Variants in UPRT observed in about 807,000 individuals in gnomAD.
The protein encoded by UPRT is RP11-311P8.3.
In UPRT, 5 loss-of-function variants were observed where a neutral mutation model predicts 22.6. The ratio of observed to expected loss-of-function variants is 0.22; its 90% CI spans 0.12 to 0.47. UPRT has a LOEUF of 0.47. UPRT is among the 20% of genes least tolerant of loss of function. UPRT has a pLI of 0.99. For synonymous variants in UPRT, 77 were observed against 87.7 expected (o/e 0.88, Z 0.68); for missense variants, 181 against 239.9 (o/e 0.75, Z 1.62).
chrX:75,159,337 C>G (rs1487975863), intron 1 of UPRT, among the ~76,000 whole-genome samples: 5 of 112,068 alleles, frequency 4.5e-5, no homozygotes, highest in Non-Finnish European at 9.4e-5. Flanking sequence ...TGTATGTACA[C>G]CACATTTGGA....
At chrX:75,192,102 C>T (rs552762239) in intron 4 of UPRT, among the ~76,000 whole-genome samples, 9 of 111,601 alleles carry the variant, frequency 8.1e-5, no homozygotes, top group South Asian at 3.8e-4. Flanking sequence ...ATCTTGGAAC[C>T]GCGTATAACC....
chrX:75,158,350 C>T (rs2082189681), intron 1 of UPRT, among the ~76,000 whole-genome samples: 1 of 112,284 alleles, frequency 8.9e-6, no homozygotes, highest in African/African-American at 3.2e-5. Context: ...TAAATAGCTG[C>T]TACAACCACA....
chrX:75,190,961 C>A (rs939506195), intron 4 of UPRT, among the ~76,000 whole-genome samples: 1 of 111,345 alleles, frequency 9.0e-6, no homozygotes, highest in East Asian at 2.8e-4. Context: ...TTGTCTGATG[C>A]CTTCTTCTCT....
chrX:75,221,330 T>C (rs1273676470), intron 4 of UPRT, among the ~76,000 whole-genome samples: 1 of 111,249 alleles, frequency 9.0e-6, no homozygotes, highest in Non-Finnish European at 1.9e-5. Context: ...TGGTGTTCTA[T>C]AACCTTCTTG....
intron 4 of UPRT, among the ~76,000 whole-genome samples, chrX:75,244,596 T>C (rs1027275673): frequency 3.6e-5 from 4 of 110,958 alleles, no homozygotes; most frequent in Admixed American, 1.9e-4. Flanking sequence ...TGGAACAGAA[T>C]AGAGAGCCCA....
chrX:75,267,357 A>C (rs6647104), intron 4 of UPRT, among the ~76,000 whole-genome samples: 13,788 of 110,915 alleles, frequency 0.12, 1,535 homozygotes, highest in East Asian at 0.91. Flanking sequence ...GTTGTCACTC[A>C]TAGGTGGGAA....
At chrX:75,186,780 C>T (rs1463243180) in intron 4 of UPRT, among the ~76,000 whole-genome samples, 1 of 111,766 alleles carries the variant, frequency 8.9e-6, no homozygotes, top group Non-Finnish European at 1.9e-5. Context: ...TATGTAATGG[C>T]CTTCTTTGTC....
intron 4 of UPRT, among the ~76,000 whole-genome samples, chrX:75,227,311 G>A (rs1002471925): frequency 8.9e-6 from 1 of 111,813 alleles, no homozygotes; most frequent in African/African-American, 3.3e-5. Context: ...GGTGGCAGGG[G>A]TAGTGTTTGG....
At chrX:75,268,975 G>T (rs1364427380) in intron 4 of UPRT, among the ~76,000 whole-genome samples, 1 of 111,255 alleles carries the variant, frequency 9.0e-6, no homozygotes, top group Non-Finnish European at 1.9e-5. Flanking sequence ...AATTGTCTCC[G>T]TCTGCAGATG....
intron 4 of UPRT, among the ~76,000 whole-genome samples, chrX:75,200,083 T>G (rs762559386): frequency 1.8e-5 from 2 of 112,284 alleles, no homozygotes; most frequent in Admixed American, 1.9e-4. Context: ...TCAGATGAAA[T>G]TCCTTGTTTT....
intron 4 of UPRT, among the ~76,000 whole-genome samples, chrX:75,221,847 A>G (rs931174106): frequency 4.5e-5 from 5 of 111,600 alleles, no homozygotes; most frequent in African/African-American, 1.6e-4. Context: ...TGGTGAGGTC[A>G]TGTTTTCTGG....
rs190047620 is a variant in UPRT, at chrX:75,255,275, A to G, written c.-446-35749A>G. On this transcript the variant is annotated intron_variant, in intron 4 of 13. Coordinates refer to the UPRT transcript ENST00000652605. ...GAAACTAAGCTTTATATATGAAAAAAAGATACAGTCTTTTTCAGACAAATA... is the reference window on the plus strand; with the variant it reads ...GAAACTAAGCTTTATATATGAAAAAGAGATACAGTCTTTTTCAGACAAATA... Among the ~76,000 whole-genome samples, 122 of 111,641 alleles carry G rather than the reference A, an allele frequency of 1.1e-3. 1 individual carries two copies. The highest frequency in any genetic ancestry group is 0.01 in the East Asian group (37 of 3,551).
chrX:75,197,339 G>A (rs2147621502), intron 4 of UPRT, among the ~76,000 whole-genome samples: 2 of 111,558 alleles, frequency 1.8e-5, no homozygotes, highest in East Asian at 5.6e-4. Context: ...TGAATTCACA[G>A]TTAAAAGTTA....
rs753049923 is a variant in UPRT, at chrX:75,274,574, G to A, written c.320G>A (p.Gly107Glu). The change falls in exon 1 of 7, where the codon GGG (glycine) becomes GAG (glutamate). Residue 107 changes from glycine (G) to glutamate (E), a missense_variant. Physicochemically the swap from Gly to Glu is moderately conservative, Grantham distance 98. Around this residue, in one of 2 missense-constraint regions of UPRT, gnomAD observed 111 missense variants for 102.8 expected, o/e 1.08. Coordinates refer to ENST00000373383, the MANE Select transcript of UPRT (RefSeq NM_145052.4). ...GACTGCGAACTCTCCCGGCAGATCG[G>A]GGCGCAGCTTAAGCTGCTGCCTATG... ...LEDCELSRQI[G>E]AQLKLLPMND... 3.3e-6 allele frequency: 4 copies of A among 1,210,646 alleles called. No individual in the cohort carries two copies. The highest frequency in any genetic ancestry group is 3.4e-6 in the Non-Finnish European group (3 of 894,968).
intron 1 of UPRT, among the ~76,000 whole-genome samples, chrX:75,277,984 G>C (rs992811213): frequency 9.0e-6 from 1 of 111,563 alleles, no homozygotes; most frequent in African/African-American, 3.3e-5. Context: ...GGTAAGAGGA[G>C]CTATATTTAC....
intron 3 of UPRT, among the ~76,000 whole-genome samples, chrX:75,167,384 A>G (rs920636331): frequency 8.9e-6 from 1 of 111,797 alleles, no homozygotes; most frequent in South Asian, 3.8e-4. Flanking sequence ...CGGATCTCCT[A>G]AAGTTGTATG....
At chrX:75,184,552 T>G (rs1215450962) in intron 4 of UPRT, among the ~76,000 whole-genome samples, 1 of 108,609 alleles carries the variant, frequency 9.2e-6, no homozygotes, top group Non-Finnish European at 1.9e-5. Context: ...TTTTTTCCAA[T>G]TCTGTGAAGA....
chrX:75,262,678 T>G (rs930820097), intron 4 of UPRT, among the ~76,000 whole-genome samples: 2 of 111,478 alleles, frequency 1.8e-5, no homozygotes, highest in African/African-American at 6.5e-5. Context: ...AAACAGACTT[T>G]AAACTAACAA....
chrX:75,268,937 G>C (rs771970122), intron 4 of UPRT, among the ~76,000 whole-genome samples: 70 of 111,360 alleles, frequency 6.3e-4, no homozygotes, highest in African/African-American at 2.1e-3. Context: ...AGAAATAAAG[G>C]GTATTCAAAT....
Sources: gnomAD v4.1 joint callset for allele counts (sites outside exome capture counted in the v4.1 genomes callset) on GRCh38, gnomAD v4.1.1 for gene constraint, gnomAD v4.1.1 regional missense constraint, MANE v1.5 for transcripts, NCBI Gene and HGNC (gene_info 2026-07-23, HGNC 2026-07-21) for gene names.